Variants in SPEF2 observed in about 807,000 individuals in gnomAD.
SPEF2 encodes the protein sperm flagellar and cilia associated 2, also known as sperm flagella and cilia-associated protein 2.
Under a neutral mutation model 224.6 loss-of-function variants are expected in SPEF2, and 187 were observed. The ratio of observed to expected loss-of-function variants is 0.83; its 90% CI spans 0.74 to 0.94. The LOEUF is 0.94. Among genes scored for constraint, SPEF2 ranks in the 40% least tolerant of loss-of-function variants. The probability of loss-of-function intolerance (pLI) is 0.00; values close to 1 mark genes in which losing one functional copy is unlikely to be tolerated. For missense variants in SPEF2, 2,170 were observed against 2,135.6 expected (o/e 1.02, Z -0.32); for synonymous variants, 715 against 707.3 (o/e 1.01, Z -0.17).
chr5:35,642,533 T>C (rs1746747906), intron 3 of SPEF2, among the ~76,000 whole-genome samples: 1 of 152,244 alleles, frequency 6.6e-6, no homozygotes, highest in African/African-American at 2.4e-5. Context: ...ACCAGATTTT[T>C]AGTACATCAG....
intron 30 of SPEF2, among the ~76,000 whole-genome samples, chr5:35,787,026 A>G (rs1215062328): frequency 1.3e-5 from 2 of 152,234 alleles, no homozygotes; most frequent in Non-Finnish European, 1.5e-5. Flanking sequence ...GTGTAGAAGG[A>G]ACACATATAT....
At chr5:35,645,431 C>G (rs73080208) in intron 4 of SPEF2, among the ~76,000 whole-genome samples, 1 of 152,138 alleles carries the variant, frequency 6.6e-6, no homozygotes, top group African/African-American at 2.4e-5. Context: ...TTACTTCTAC[C>G]TGCCTCAGAG....
chr5:35,705,962 T>C (rs757454575), intron 18 of SPEF2, among the ~76,000 whole-genome samples, 154 bp downstream of exon 18: 12 of 139,764 alleles, frequency 8.6e-5, no homozygotes, highest in Non-Finnish European at 1.8e-4. Flanking sequence ...TTTAGCTTTC[T>C]GTTGTATATG....
intron 8 of SPEF2, among the ~76,000 whole-genome samples, chr5:35,665,201 G>C (rs947914148): frequency 6.6e-6 from 1 of 152,132 alleles, no homozygotes; most frequent in African/African-American, 2.4e-5. Flanking sequence ...CAGCTTCTCA[G>C]TGGTGTAGCA....
rs878956152 is a variant in SPEF2, at chr5:35,788,260, A to C, written c.4448-4080A>C. The C allele has an allele frequency of 4.3e-6, 3 of 703,054 alleles. No homozygotes were observed. The South Asian group carries it at 4.4e-5, about 10-fold the overall frequency. The allele number at this position is 703,054 out of a possible 1,614,324, so 43.6% of individuals were successfully genotyped here. A position where few individuals can be genotyped will look rare whatever the true frequency, so the allele number is the denominator to read the frequency against. ...GGAGAGTAGAGAACTTATTCAGATC[A>C]TGCCATGCTATTGCCAAGACCGGAC... is the stretch of plus-strand genomic sequence containing the variant. On this transcript the variant is annotated intron_variant, in intron 30 of 36. Coordinates refer to ENST00000356031, the MANE Select transcript of SPEF2 (RefSeq NM_024867.4).
In SPEF2 at chr5:35,792,203, T is replaced by A. The variant is rs1385823405; in HGVS notation, c.4448-137T>A. On this transcript the variant is annotated intron_variant, in intron 30 of 36. Transcript: ENST00000356031. ...TAATTTTTATATTTCCAAAATGTCT[T>A]CTGTTTCTTTAAAACTTACCATTTT... The A allele has an allele frequency of 5.7e-5, 29 of 513,068 alleles. No individual in the cohort carries two copies. In the Admixed American group the frequency reaches 8.2e-4, roughly 14 times the overall value. 31.8% of individuals were successfully genotyped at this position (513,068 alleles called of 1,614,324 possible).
rs369555139 is a variant in SPEF2 at position 35,753,627 on chromosome 5, C to A, written c.3334C>A (p.Leu1112Met). The A allele has an allele frequency of 6.2e-7, 1 of 1,613,962 alleles. No homozygotes were observed. Among genetic ancestry groups the A allele is most frequent in the African/African-American group, 1.3e-5 (1 of 74,906 alleles). Residue 1112 changes from leucine (L) to methionine (M), a missense_variant, in exon 24 of 37, where the codon CTG becomes ATG. Transcript: ENST00000356031. The part of the protein sequence containing the change: ...KAELHQRVND[L>M]RDRLWDICDA... Reference sequence around the variant, plus strand: ...CATGCCTGTTTTTTCTGTTCAGGATCTGCGAGACCGCCTGTGGGACATTTG... The same window carrying A: ...CATGCCTGTTTTTTCTGTTCAGGATATGCGAGACCGCCTGTGGGACATTTG...
At chr5:35,620,485 A>G (rs1460479403) in intron 1 of SPEF2, among the ~76,000 whole-genome samples, 1 of 152,234 alleles carries the variant, frequency 6.6e-6, no homozygotes, top group Non-Finnish European at 1.5e-5. Context: ...AGCATTTAAA[A>G]TAGCACTTTG....
rs764294756 is a variant in SPEF2 at position 35,792,452 on chromosome 5, C to T, written c.4554+6C>T. On this transcript the variant is annotated splice_donor_region_variant and intron_variant, in intron 31 of 36. Transcript: ENST00000356031. ...TGCACCTTACCCAACCTGAAGTAAG[C>T]TTCTATGTTGTTTGAGTTGTAAAGC... The T allele has an allele frequency of 3.1e-6, 5 of 1,611,406 alleles. No individual in the cohort carries two copies. In the East Asian group the frequency reaches 1.1e-4, roughly 36 times the overall value.
intron 10 of SPEF2, among the ~76,000 whole-genome samples, chr5:35,682,908 T>G (rs576250513): frequency 2.0e-4 from 30 of 152,286 alleles, no homozygotes; most frequent in Admixed American, 7.2e-4. Flanking sequence ...TTCAATCACT[T>G]GGGCAACGTT....
Position 35,646,682 on chromosome 5 carries a change from A to G in SPEF2, c.601A>G (p.Arg201Gly), listed in dbSNP as rs80010329. 7.9e-3 allele frequency: 12,790 copies of G among 1,613,660 alleles called. 116 individuals are homozygous for G. Among genetic ancestry groups the G allele is most frequent in the South Asian group, 0.034 (3,069 of 91,002 alleles). Residue 201 changes from arginine (R) to glycine (G), a missense_variant, in exon 5 of 37, where the codon AGA becomes GGA. Physicochemically the swap from Arg to Gly is moderately radical, Grantham distance 125 (BLOSUM62 -2). Coordinates refer to ENST00000356031, the MANE Select transcript of SPEF2 (RefSeq NM_024867.4). ...GGATATTCAGCAATACTTAAACAGAAGACGACAAAATGAAATAATGGCCAA... is the reference window on the plus strand; with the variant it reads ...GGATATTCAGCAATACTTAAACAGAGGACGACAAAATGAAATAATGGCCAA... Reference protein sequence around the residue: ...FDIEKQYLNRRRQNEIMAKIQ... With the variant: ...FDIEKQYLNRGRQNEIMAKIQ...
chr5:35,736,473 G>C (rs892899310), intron 21 of SPEF2, among the ~76,000 whole-genome samples: 2 of 83,578 alleles, frequency 2.4e-5, no homozygotes, highest in African/African-American at 8.1e-5. Context: ...GACAGAGTGT[G>C]TGTGTGTGTG....
chr5:35,662,172 G>A (rs1749837135), intron 8 of SPEF2, among the ~76,000 whole-genome samples: 2 of 152,000 alleles, frequency 1.3e-5, no homozygotes, highest in African/African-American at 4.8e-5. Context: ...TGTATCTAAT[G>A]GTCAGTGATG....
intron 21 of SPEF2, among the ~76,000 whole-genome samples, chr5:35,731,893 A>G (rs1429401488): frequency 3.9e-5 from 6 of 152,216 alleles, no homozygotes; most frequent in Non-Finnish European, 7.3e-5. Flanking sequence ...TACAGATATT[A>G]CATTATCCAT....
intron 23 of SPEF2, 52 bp from the exon 24 acceptor site, chr5:35,753,572 G>A (rs1750006984): frequency 1.9e-6 from 3 of 1,609,660 alleles, no homozygotes; most frequent in Non-Finnish European, 2.5e-6. Flanking sequence ...GCACCTAGGT[G>A]ATTTGAGCAG....
rs910299249 is a variant in SPEF2 at position 35,756,688 on chromosome 5, C to T, written c.3469-2880C>T. Among the ~76,000 whole-genome samples the T allele has an allele frequency of 5.3e-5, 8 of 152,266 alleles. No homozygotes were observed. In the South Asian group the frequency reaches 6.2e-4, roughly 12 times the overall value. On this transcript the variant is annotated intron_variant, in intron 24 of 36. Transcript: ENST00000356031. The stretch of plus-strand genomic sequence containing the variant: ...ACAGCTAGATAAATGTTTCCCAAAG[C>T]GGGTTCCGTAGACATTAGTCCTACA...
At chr5:35,782,144 T>C (rs974194045) in intron 30 of SPEF2, among the ~76,000 whole-genome samples, 1 of 152,222 alleles carries the variant, frequency 6.6e-6, no homozygotes, top group African/African-American at 2.4e-5. Context: ...ATGAAGGCTT[T>C]TGTTGTATTT....
At chr5:35,807,397 A>G in intron 36 of SPEF2, 144 bp downstream of exon 36, 1 of 1,285,956 alleles carries the variant, frequency 7.8e-7, no homozygotes, top group Non-Finnish European at 1.1e-6. Flanking sequence ...TAAGCTGGTA[A>G]TCACATCAGG....
intron 2 of SPEF2, 114 bp from the exon 3 acceptor site, chr5:35,641,317 C>G (rs1746590545): frequency 8.0e-7 from 1 of 1,242,662 alleles, no homozygotes; most frequent in South Asian, 1.5e-5. Flanking sequence ...AATGATACAG[C>G]TAAAAGGACA....
Sources: gnomAD v4.1 joint callset for allele counts (sites outside exome capture counted in the v4.1 genomes callset) on GRCh38, gnomAD v4.1.1 for gene constraint, MANE v1.5 for transcripts, NCBI Gene and HGNC (gene_info 2026-07-23, HGNC 2026-07-21) for gene names.